SPATA18: variants seen among roughly 807,000 people sequenced by gnomAD.
SPATA18 encodes spermatogenesis associated 18.
Under a neutral mutation model 68.1 loss-of-function variants are expected in SPATA18, and 54 were observed. The observed-to-expected ratio is 0.79, with a 90% CI of 0.64 to 0.99. SPATA18 has a LOEUF of 0.99. SPATA18 is among the 50% of genes least tolerant of loss of function. The pLI is 0.00. For synonymous variants in SPATA18, 242 were observed against 244.8 expected, an observed-to-expected ratio of 0.99 and a Z score of 0.11; for missense variants, 724 against 681.1, an observed-to-expected ratio of 1.06 and a Z score of -0.70.
chr4:52,083,193 T>A, intron 10 of SPATA18: 1 of 985,366 alleles, frequency 1.0e-6, no homozygotes, highest in Non-Finnish European at 1.2e-6. Flanking sequence ...ATATTCTGCA[T>A]AGTTTATGTT....
intron 9 of SPATA18, among the ~76,000 whole-genome samples, chr4:52,081,458 A>G (rs537390104): frequency 6.6e-5 from 10 of 152,336 alleles, no homozygotes; most frequent in Admixed American, 2.6e-4. Flanking sequence ...GTTTCTTCAT[A>G]TGAAGTAGAT....
rs1196264847 is a variant in SPATA18, at chr4:52,084,990, T to C, written c.1554T>C (p.Gly518=). ...CCATTTGCCCCCGTAGCCAAATTGGTTTAAACACGGTACATATCTATCTAA... is the reference window on the plus strand; with the variant it reads ...CCATTTGCCCCCGTAGCCAAATTGGCTTAAACACGGTACATATCTATCTAA... ...LSPICPRSQI[G]LNTMSRSRSP... Residue 518 remains glycine, a synonymous_variant, in exon 11 of 13, where the codon GGT becomes GGC. Transcript: ENST00000295213. The C allele has an allele frequency of 6.2e-7, 1 of 1,613,656 alleles. No individual in the cohort carries two copies. The highest frequency in any genetic ancestry group is 1.7e-5 in the Admixed American group (1 of 59,976).
rs1277062639 is a variant in SPATA18 at position 52,079,928 on chromosome 4, C to A, written c.1355+9C>A. 1 of 1,608,984 alleles carries A rather than the reference C, an allele frequency of 6.2e-7. No homozygotes were observed. The highest frequency in any genetic ancestry group is 8.5e-7 in the Non-Finnish European group (1 of 1,177,800). On this transcript the variant is annotated intron_variant, in intron 9 of 12. Coordinates refer to ENST00000295213, the MANE Select transcript of SPATA18 (RefSeq NM_145263.4). Reference sequence around the variant, plus strand: ...GTTTTTAATGATTGCAAGTAAGAGACACAGGAGCAGAAGCTAAGGGATTTA... The same window carrying A: ...GTTTTTAATGATTGCAAGTAAGAGAAACAGGAGCAGAAGCTAAGGGATTTA...
At chr4:52,072,859 G>A (rs916976175) in intron 6 of SPATA18, among the ~76,000 whole-genome samples, 1 of 152,136 alleles carries the variant, frequency 6.6e-6, no homozygotes, top group African/African-American at 2.4e-5. Context: ...TTCACTGCAG[G>A]GTATTTCCCT....
chr4:52,060,507 C>T lies in SPATA18; in HGVS notation c.176C>T (p.Thr59Ile). The T allele has an allele frequency of 3.1e-6, 5 of 1,613,964 alleles. No individual in the cohort carries two copies. The highest frequency in any genetic ancestry group is 4.2e-6 in the Non-Finnish European group (5 of 1,179,874). The change falls in exon 2 of 13, where the codon ACA becomes ATA. Residue 59 changes from threonine (T) to isoleucine (I), a missense_variant. Coordinates refer to ENST00000295213, the MANE Select transcript of SPATA18 (RefSeq NM_145263.4). ...CAGGGACAACTCTTTGGGATCCTCA[C>T]AGCAGCAGCCCAAGAAGGTGAGAAT... Reference protein sequence around the residue: ...KVQGQLFGILTAAAQEGGRND... With the variant: ...KVQGQLFGILIAAAQEGGRND...
rs534096907 is a variant in SPATA18 at position 52,077,166 on chromosome 4, T to A, written c.1020+126T>A. ...CACTGAAGTGGGGGAGATTCCAGTC[T>A]CCCCATCTGTCTCCTTCCTTCTCTT... is the stretch of plus-strand genomic sequence containing the variant. On this transcript the variant is annotated intron_variant, in intron 7 of 12. Transcript: ENST00000295213. 1.6e-5 allele frequency: 16 copies of A among 987,456 alleles called. No homozygotes were observed. In the South Asian group the frequency reaches 2.3e-4, roughly 14 times the overall value. 61.2% of individuals were successfully genotyped at this position (987,456 alleles called of 1,614,324 possible). A position where few individuals can be genotyped will look rare whatever the true frequency, so the allele number is the denominator to read the frequency against.
intron 11 of SPATA18, among the ~76,000 whole-genome samples, chr4:52,087,771 A>G (rs888926808): frequency 1.3e-5 from 2 of 151,916 alleles, no homozygotes; most frequent in Admixed American, 1.3e-4. Flanking sequence ...TTGGTTCCAT[A>G]TGAAATTTAA....
chr4:52,052,943 C>A (rs1404213975), intron 1 of SPATA18, among the ~76,000 whole-genome samples: 1 of 152,154 alleles, frequency 6.6e-6, no homozygotes, highest in African/African-American at 2.4e-5. Flanking sequence ...AAAGAACAAG[C>A]GCTGACCATT....
chr4:52,092,657 C>T (rs970685930), intron 11 of SPATA18, among the ~76,000 whole-genome samples: 1 of 152,170 alleles, frequency 6.6e-6, no homozygotes, highest in Admixed American at 6.5e-5. Context: ...TCTATTCAGC[C>T]ATCTTGAATC....
At chr4:52,063,217 C>G (rs966744227) in intron 4 of SPATA18, among the ~76,000 whole-genome samples, 1 of 152,114 alleles carries the variant, frequency 6.6e-6, no homozygotes, top group Admixed American at 6.6e-5. Context: ...TGCCTTGTTC[C>G]CTGATGACAT....
At chr4:52,069,777 C>T in intron 4 of SPATA18, 44 bp from the exon 5 acceptor site, 1 of 1,449,644 alleles carries the variant, frequency 6.9e-7, no homozygotes, top group Non-Finnish European at 9.3e-7. Context: ...AGAAAGTCTG[C>T]CAATTTTGAA....
chr4:52,061,025 G>T lies in SPATA18; in HGVS notation c.309+128G>T, dbSNP rs371863218. ...AGTGTCACAATTTGTGATGGATATT[G>T]GTGGTTTCCATGGGACGGTGTTAGT... is the stretch of plus-strand genomic sequence containing the variant. On this transcript the variant is annotated intron_variant, in intron 3 of 12. Coordinates refer to ENST00000295213, the MANE Select transcript of SPATA18 (RefSeq NM_145263.4). 8.3e-6 allele frequency: 6 copies of T among 726,924 alleles called. No individual in the cohort carries two copies. The East Asian group carries it at 1.3e-4, about 16-fold the overall frequency. 45.0% of individuals were successfully genotyped at this position (726,924 alleles called of 1,614,324 possible). A position where few individuals can be genotyped will look rare whatever the true frequency, so the allele number is the denominator to read the frequency against.
At chr4:52,084,426 A>G (rs1741241363) in intron 10 of SPATA18, among the ~76,000 whole-genome samples, 1 of 152,212 alleles carries the variant, frequency 6.6e-6, no homozygotes, top group Non-Finnish European at 1.5e-5. Context: ...TTTAGTGACT[A>G]TAGCTTTCTT....
chr4:52,069,757 G>T, intron 4 of SPATA18, 64 bp from the exon 5 acceptor site: 1 of 1,270,502 alleles, frequency 7.9e-7, no homozygotes, highest in Admixed American at 2.2e-5. Context: ...GTGAGCCTCT[G>T]CCTTGATTTA....
chr4:52,053,397 G>A (rs1738067980), intron 1 of SPATA18, among the ~76,000 whole-genome samples: 2 of 152,046 alleles, frequency 1.3e-5, no homozygotes, highest in South Asian at 4.2e-4. Context: ...CACTCCCCAG[G>A]TTCCATCATT....
At chr4:52,094,421 A>AG in intron 11 of SPATA18, 106 bp from the exon 12 acceptor site, 1 of 1,009,312 alleles carries the variant, frequency 9.9e-7, no homozygotes, top group South Asian at 1.4e-5. Context: ...AAAGTGCCTC[A>AG]GAGAAAGCTA....
At chr4:52,075,795 C>T (rs1740287780) in intron 6 of SPATA18, among the ~76,000 whole-genome samples, 1 of 152,218 alleles carries the variant, frequency 6.6e-6, no homozygotes, top group Non-Finnish European at 1.5e-5. Flanking sequence ...ACAGCTTCTG[C>T]CCCGGCTTTA....
At chr4:52,080,008 T>C (rs1214577930) in intron 9 of SPATA18, 89 bp downstream of exon 9, 13 of 1,404,550 alleles carry the variant, frequency 9.3e-6, no homozygotes, top group Non-Finnish European at 1.3e-5. Flanking sequence ...AAAAGAACTC[T>C]GGGTGGAGAA....
At chr4:52,060,350 C>A (rs1738721303) in intron 1 of SPATA18, 69 bp from the exon 2 acceptor site, 1 of 1,321,570 alleles carries the variant, frequency 7.6e-7, no homozygotes, top group African/African-American at 1.4e-5. Context: ...CAAGTGAGGC[C>A]CTGGTCTGTC....
Sources: allele counts gnomAD v4.1 joint callset (sites outside exome capture counted in the v4.1 genomes callset), GRCh38; gene constraint gnomAD v4.1.1; transcripts MANE v1.5; gene names NCBI Gene and HGNC (gene_info 2026-07-23, HGNC 2026-07-21).